The following PLA2G4A variants were observed in gnomAD, a reference collection of about 807,000 sequenced individuals.
The protein encoded by PLA2G4A is phospholipase A2 group IVA, also known as cytosolic phospholipase A2.
PLA2G4A carries 40 observed loss-of-function variants against 81.9 expected under a neutral mutation model. The observed-to-expected ratio is 0.49, with a 90% confidence interval of 0.38 to 0.64. The LOEUF (loss-of-function observed/expected upper bound fraction) is 0.64, where lower values mean the gene tolerates loss of function less well. PLA2G4A is among the 30% of genes least tolerant of loss of function. PLA2G4A has a pLI of 0.00. For missense variants in PLA2G4A, 715 were observed against 905.1 expected (o/e 0.79, Z 2.69); for synonymous variants, 302 against 296.9 (o/e 1.02, Z -0.18).
chr1:186,877,536 G>A (rs1653546223), intron 3 of PLA2G4A, among the ~76,000 whole-genome samples: 1 of 151,688 alleles, frequency 6.6e-6, no homozygotes, highest in Non-Finnish European at 1.5e-5. Flanking sequence ...TTCTCAGCTT[G>A]AGAGAACAAA....
At chr1:186,964,352 T>C (rs1571449882) in intron 14 of PLA2G4A, among the ~76,000 whole-genome samples, 1 of 152,234 alleles carries the variant, frequency 6.6e-6, no homozygotes, top group East Asian at 1.9e-4. Flanking sequence ...GAGTAATGTG[T>C]TATCAGTATT....
chr1:186,845,733 C>T (rs1048656628), intron 1 of PLA2G4A, among the ~76,000 whole-genome samples: 2 of 152,122 alleles, frequency 1.3e-5, no homozygotes, highest in African/African-American at 2.4e-5. Context: ...GTTTTTGTTT[C>T]TGTTCACTTT....
chr1:186,951,848 C>T (rs1176006900), intron 13 of PLA2G4A, among the ~76,000 whole-genome samples: 2 of 152,024 alleles, frequency 1.3e-5, no homozygotes, highest in Non-Finnish European at 2.9e-5. Flanking sequence ...TTCATCTGGG[C>T]ATGAGGCTTG....
At chr1:186,830,961 TCTTTCTTTC>T (rs1651548268) in intron 1 of PLA2G4A, among the ~76,000 whole-genome samples, 1 of 38,448 alleles carries the variant, frequency 2.6e-5, no homozygotes, top group Non-Finnish European at 5.8e-5. Flanking sequence ...TTGCTTGCTT[TCTTTCTTTC>T]TTTCTTTCTT....
chr1:186,880,749 A>G (rs545107830), intron 3 of PLA2G4A, among the ~76,000 whole-genome samples: 1 of 152,156 alleles, frequency 6.6e-6, no homozygotes, highest in Non-Finnish European at 1.5e-5. Flanking sequence ...ATTTCTGGAG[A>G]ATTACTCTTT....
chr1:186,914,565 AG>A (rs577375869), intron 7 of PLA2G4A, among the ~76,000 whole-genome samples: 94 of 152,260 alleles, frequency 6.2e-4, no homozygotes, highest in African/African-American at 2.1e-3. Context: ...TTGAGCAAGC[AG>A]GGGGTACATG....
intron 13 of PLA2G4A, among the ~76,000 whole-genome samples, chr1:186,955,142 G>C (rs1042420777): frequency 3.3e-5 from 5 of 152,150 alleles, no homozygotes; most frequent in African/African-American, 1.2e-4. Flanking sequence ...TGCATAGGTG[G>C]TAAGGAAAAA....
chr1:186,860,872 A>C (rs1652772334), intron 2 of PLA2G4A, among the ~76,000 whole-genome samples: 1 of 152,064 alleles, frequency 6.6e-6, no homozygotes, highest in South Asian at 2.1e-4. Context: ...CTTCTCAGCC[A>C]TTTTTTATAC....
At chr1:186,905,543 CT>C (rs1479700076) in intron 5 of PLA2G4A, among the ~76,000 whole-genome samples, 1 of 152,106 alleles carries the variant, frequency 6.6e-6, no homozygotes, top group Non-Finnish European at 1.5e-5. Context: ...AGTTTATTAA[CT>C]TTAAAAATAT....
chr1:186,913,456 T>C (rs1655035036), intron 7 of PLA2G4A, among the ~76,000 whole-genome samples: 1 of 152,082 alleles, frequency 6.6e-6, no homozygotes, highest in African/African-American at 2.4e-5. Context: ...TATTTCTCTC[T>C]TTATATATCT....
Position 186,893,949 on chromosome 1 carries a change from G to C in PLA2G4A, c.265-149G>C, listed in dbSNP as rs1571374891. The C allele has an allele frequency of 2.1e-5, 12 of 584,638 alleles. No homozygotes were observed. The South Asian group carries it at 2.1e-4, about 10-fold the overall frequency. 36.2% of individuals were successfully genotyped at this position (584,638 alleles called of 1,614,324 possible). On this transcript the variant is annotated intron_variant, in intron 4 of 17. Coordinates refer to ENST00000367466, the MANE Select transcript of PLA2G4A (RefSeq NM_024420.3). ...AAAAAAAAAAAAGGAAAAGATAAAAGTATTGTTACTAATTAAATATTGAGA... is the reference window on the plus strand; with the variant it reads ...AAAAAAAAAAAAGGAAAAGATAAAACTATTGTTACTAATTAAATATTGAGA...
At chr1:186,890,613 C>T (rs531765003) in intron 3 of PLA2G4A, among the ~76,000 whole-genome samples, 40 of 152,092 alleles carry the variant, frequency 2.6e-4, no homozygotes, top group Middle Eastern at 3.4e-3. Context: ...CCCAGCACTT[C>T]GGGAGTCTGA....
chr1:186,976,828 C>T (rs575937990), intron 15 of PLA2G4A, among the ~76,000 whole-genome samples: 8 of 152,342 alleles, frequency 5.3e-5, no homozygotes, highest in East Asian at 1.9e-4. Context: ...CTCGAATCTC[C>T]GTAGCTGACT....
intron 5 of PLA2G4A, among the ~76,000 whole-genome samples, chr1:186,904,640 A>G (rs1654670915): frequency 6.6e-6 from 1 of 152,220 alleles, no homozygotes; most frequent in Non-Finnish European, 1.5e-5. Context: ...TAACATTCAA[A>G]ATGGCAGAAA....
chr1:186,973,725 C>T (rs1292216207), intron 15 of PLA2G4A, among the ~76,000 whole-genome samples: 2 of 152,120 alleles, frequency 1.3e-5, no homozygotes, highest in Non-Finnish European at 2.9e-5. Flanking sequence ...TATTTTCATG[C>T]CTATTGCATT....
intron 5 of PLA2G4A, among the ~76,000 whole-genome samples, chr1:186,902,017 C>T (rs1284501662): frequency 6.6e-6 from 1 of 152,128 alleles, no homozygotes. Flanking sequence ...GTGTGAACAT[C>T]ATAAAGTATG....
chr1:186,955,373 G>A (rs1267120328), intron 13 of PLA2G4A, among the ~76,000 whole-genome samples: 1 of 152,144 alleles, frequency 6.6e-6, no homozygotes, highest in Non-Finnish European at 1.5e-5. Flanking sequence ...TTGTTAAACA[G>A]GGTAAGATTT....
chr1:186,961,987 G>T (rs187839636), intron 14 of PLA2G4A, among the ~76,000 whole-genome samples: 234 of 152,272 alleles, frequency 1.5e-3, no homozygotes, highest in African/African-American at 5.5e-3. Context: ...GAACTCTCAT[G>T]CCTTTCCTCC....
At chr1:186,925,865 A>G (rs1300538578) in intron 7 of PLA2G4A, among the ~76,000 whole-genome samples, 4 of 152,222 alleles carry the variant, frequency 2.6e-5, no homozygotes, top group Non-Finnish European at 5.9e-5. Flanking sequence ...GAGGGCCAGG[A>G]CAACATCTGT....
Sources: allele counts gnomAD v4.1 joint callset (sites outside exome capture counted in the v4.1 genomes callset), GRCh38; gene constraint gnomAD v4.1.1; transcripts MANE v1.5; gene names NCBI Gene and HGNC (gene_info 2026-07-23, HGNC 2026-07-21).